The following TRIM75 variants were observed in gnomAD, a reference collection of about 807,000 sequenced individuals.
TRIM75 encodes the protein tripartite motif containing 75.
chr4:165,059,840 A>G, the TRIM75 span: 7 of 780,746 alleles, frequency 9.0e-6, no homozygotes, highest in South Asian at 9.4e-5. Context: ...CCACACTCAA[A>G]AGCCAGTTAA....
At chr4:165,059,638 C>T in the TRIM75 span, 7 of 780,732 alleles carry the variant, frequency 9.0e-6, no homozygotes, top group African/African-American at 1.2e-4. Flanking sequence ...TTAATAAGCA[C>T]TCAAAGCAAA....
At chr4:165,058,395 C>T in the TRIM75 span, among the ~76,000 whole-genome samples, 4 of 151,664 alleles carry the variant, frequency 2.6e-5, no homozygotes, top group Non-Finnish European at 5.9e-5. Context: ...GCTCAGTCTA[C>T]ATTGCCCAGG....
At chr4:165,058,050 C>T in the TRIM75 span, among the ~76,000 whole-genome samples, 55 of 152,086 alleles carry the variant, frequency 3.6e-4, no homozygotes, top group Middle Eastern at 6.8e-3. Context: ...TGTGTTATCT[C>T]GTTGGGTTTC....
chr4:165,055,881 A>G, the TRIM75 span, among the ~76,000 whole-genome samples: 1 of 151,328 alleles, frequency 6.6e-6, no homozygotes, highest in African/African-American at 2.4e-5. Context: ...CCAAGAGTTC[A>G]ACACAAGCCT....
chr4:165,060,173 G>C, the TRIM75 span: 2 of 780,906 alleles, frequency 2.6e-6, no homozygotes, highest in African/African-American at 3.4e-5. Context: ...TGGGTTTTCC[G>C]TATTTTCATT....
At chr4:165,055,026 T>G in the TRIM75 span, among the ~76,000 whole-genome samples, 1 of 152,094 alleles carries the variant, frequency 6.6e-6, no homozygotes, top group Non-Finnish European at 1.5e-5. Flanking sequence ...TCTCCCTTTA[T>G]TTAACCACTA....
At chr4:165,054,776 C>T in the TRIM75 span, among the ~76,000 whole-genome samples, 24 of 152,158 alleles carry the variant, frequency 1.6e-4, no homozygotes, top group East Asian at 4.1e-3. Flanking sequence ...CCTAAGTCAC[C>T]GAAATGCTTA....
the TRIM75 span, among the ~76,000 whole-genome samples, chr4:165,057,055 T>A: frequency 6.6e-6 from 1 of 152,196 alleles, no homozygotes; most frequent in Admixed American, 6.5e-5. Context: ...GGATATACTG[T>A]GTGCATCAAT....
the TRIM75 span, among the ~76,000 whole-genome samples, chr4:165,055,282 ACTTT>A: frequency 8.4e-6 from 1 of 119,058 alleles, no homozygotes; most frequent in Non-Finnish European, 1.7e-5. Flanking sequence ...TAAGATAACT[ACTTT>A]TTTTTTTTTT....
chr4:165,054,354 G>T, the TRIM75 span, among the ~76,000 whole-genome samples: 12 of 145,972 alleles, frequency 8.2e-5, no homozygotes, highest in Non-Finnish European at 4.5e-5. Flanking sequence ...TGCAACCTCC[G>T]CCTCCCAGGT....
At chr4:165,054,756 C>T in the TRIM75 span, among the ~76,000 whole-genome samples, 2 of 152,138 alleles carry the variant, frequency 1.3e-5, no homozygotes, top group African/African-American at 2.4e-5. Context: ...GATTTATTTA[C>T]TAGTTTTGTC....
chr4:165,060,382 C>A, the TRIM75 span: 1 of 780,866 alleles, frequency 1.3e-6, no homozygotes, highest in Admixed American at 1.7e-5. Context: ...AAAGCCAGGG[C>A]CATTGGCATT....
chr4:165,054,157 A>G, the TRIM75 span, among the ~76,000 whole-genome samples: 7 of 150,940 alleles, frequency 4.6e-5, no homozygotes, highest in East Asian at 1.4e-3. Context: ...CACTGGGGTG[A>G]TCTTGGCTAA....
chr4:165,056,238 A>G, the TRIM75 span, among the ~76,000 whole-genome samples: 1 of 152,136 alleles, frequency 6.6e-6, no homozygotes, highest in African/African-American at 2.4e-5. Context: ...GTTCAAGATC[A>G]GCCTGGGCAA....
At chr4:165,056,130 T>C in the TRIM75 span, among the ~76,000 whole-genome samples, 1 of 151,962 alleles carries the variant, frequency 6.6e-6, no homozygotes, top group Non-Finnish European at 1.5e-5. Context: ...TTCCACCATG[T>C]TGGCCAGGCT....
At chr4:165,055,672 GAGA>G in the TRIM75 span, among the ~76,000 whole-genome samples, 1 of 152,212 alleles carries the variant, frequency 6.6e-6, no homozygotes, top group South Asian at 2.1e-4. Context: ...TCTGAACAAA[GAGA>G]AGGAGCTAAG....
chr4:165,058,262 G>T, the TRIM75 span, among the ~76,000 whole-genome samples: 2 of 152,260 alleles, frequency 1.3e-5, no homozygotes, highest in Admixed American at 1.3e-4. Context: ...TGACCTCTGT[G>T]GCTCAAGGAT....
At chr4:165,057,867 G>A in the TRIM75 span, among the ~76,000 whole-genome samples, 1 of 152,160 alleles carries the variant, frequency 6.6e-6, no homozygotes, top group African/African-American at 2.4e-5. Flanking sequence ...GTGTTGGAAT[G>A]TCTACATAAC....
chr4:165,059,317 G>A, the TRIM75 span: 73 of 780,336 alleles, frequency 9.4e-5, no homozygotes, highest in East Asian at 3.6e-4. Context: ...CCTGTCTGTC[G>A]TCACCAGTGT....
Sources: allele counts gnomAD v4.1 joint callset (sites outside exome capture counted in the v4.1 genomes callset), GRCh38; gene constraint gnomAD v4.1.1; transcripts MANE v1.5; gene names NCBI Gene and HGNC (gene_info 2026-07-23, HGNC 2026-07-21).